HYKK: variants seen among roughly 807,000 people sequenced by gnomAD.
The protein encoded by HYKK is 5-hydroxy-L-lysine kinase.
A neutral mutation model predicts 29.7 loss-of-function variants in HYKK; 19 were observed. That is an observed-to-expected ratio of 0.64 (90% CI 0.45 to 0.94). HYKK has a LOEUF of 0.94. HYKK is among the 40% of genes least tolerant of loss of function. HYKK has a pLI of 0.00. For synonymous variants in HYKK, 152 were observed against 158.1 expected (o/e 0.96, Z 0.29); for missense variants, 390 against 443.4 (o/e 0.88, Z 1.08).
At chr15:78,512,400 C>CTTTTTTTTTTTTTTTTTTTTTT (rs902963099) in intron 1 of HYKK, among the ~76,000 whole-genome samples, 1 of 125,668 alleles carries the variant, frequency 8.0e-6, no homozygotes, top group Non-Finnish European at 1.7e-5. Context: ...TTTTCTTTTT[C>CTTTTTTTTTTTTTTTTTTTTTT]TTTTTTTTTT....
intron 4 of HYKK, among the ~76,000 whole-genome samples, chr15:78,532,216 A>G (rs1404094019): frequency 2.0e-5 from 3 of 152,204 alleles, no homozygotes; most frequent in Non-Finnish European, 4.4e-5. Flanking sequence ...CGTACAGTTC[A>G]TGCCACATGC....
chr15:78,531,950 A>G (rs1231814804), intron 4 of HYKK, among the ~76,000 whole-genome samples: 1 of 151,660 alleles, frequency 6.6e-6, no homozygotes, highest in African/African-American at 2.4e-5. Context: ...ACTCACTGTT[A>G]CATTGCTTAA....
At chr15:78,528,288 C>G (rs2141363205) in intron 4 of HYKK, 1 of 258,778 alleles carries the variant, frequency 3.9e-6, no homozygotes, top group East Asian at 1.8e-4. Context: ...GAATCTAATG[C>G]CTGATGATCT....
At chr15:78,530,122 G>A (rs866671665) in intron 4 of HYKK, among the ~76,000 whole-genome samples, 4 of 151,732 alleles carry the variant, frequency 2.6e-5, no homozygotes, top group African/African-American at 9.7e-5. Flanking sequence ...ATGAGCAACC[G>A]CACCAGGCCC....
intron 4 of HYKK, chr15:78,528,468 G>A: frequency 1.0e-6 from 1 of 985,372 alleles, no homozygotes; most frequent in Non-Finnish European, 1.2e-6. Flanking sequence ...TATATTTCTA[G>A]ATATAACCAG....
rs974844704 is a variant in HYKK at position 78,535,919 on chromosome 15, G to T, written c.*2249G>T. The T allele has an allele frequency of 6.6e-6, 1 of 152,198 alleles. No homozygotes were observed. Among genetic ancestry groups the T allele is most frequent in the Non-Finnish European group, 1.5e-5 (1 of 68,106 alleles). The allele number at this position is 152,198 out of a possible 1,614,324, so 9.4% of individuals were successfully genotyped here. A position where few individuals can be genotyped will look rare whatever the true frequency, so the allele number is the denominator to read the frequency against. The stretch of plus-strand genomic sequence containing the variant: ...TTTTGTAGAGATAGGGTCTCACTAT[G>T]TTGCCCAGGCTGGTCTCAAACCCCT... On this transcript the variant is annotated 3_prime_UTR_variant, in exon 5 of 5. Transcript: ENST00000388988.
downstream of HYKK, chr15:78,537,304 T>G (rs975898203): frequency 2.9e-5 from 19 of 666,504 alleles, no homozygotes; most frequent in African/African-American, 2.5e-4. Context: ...TTTCAGGACC[T>G]AGCACCGTGC....
At chr15:78,516,763 T>C (rs1260230098) in intron 3 of HYKK, among the ~76,000 whole-genome samples, 1 of 147,934 alleles carries the variant, frequency 6.8e-6, no homozygotes, top group Non-Finnish European at 1.5e-5. Context: ...CTCACGCCTA[T>C]AATTCCTGCA....
At chr15:78,510,123 TTTTC>T (rs146025612) in intron 1 of HYKK, among the ~76,000 whole-genome samples, 39,497 of 148,460 alleles carry the variant, frequency 0.27, 5,984 homozygotes, top group Middle Eastern at 0.41. Context: ...TTCTTCTTTC[TTTTC>T]TTTCTTTCTT....
chr15:78,528,584 C>T, intron 4 of HYKK: 1 of 858,050 alleles, frequency 1.2e-6, no homozygotes, highest in Non-Finnish European at 1.4e-6. Context: ...GGGTGGATCA[C>T]TTGAGGTCAG....
Position 78,515,611 on chromosome 15 carries a change from C to G in HYKK, c.477+504C>G, listed in dbSNP as rs563148251. On this transcript the variant is annotated intron_variant, in intron 3 of 4. Coordinates refer to ENST00000388988, the MANE Select transcript of HYKK (RefSeq NM_001013619.4). ...AATTTTTTTTTTTTTTTTTTTGAGA[C>G]AGAATCTCGCTCTGTCGTCCAGGCT... Among the ~76,000 whole-genome samples the G allele has an allele frequency of 3.3e-3, 468 of 142,028 alleles. 5 individuals carry two copies. The highest frequency in any genetic ancestry group is 3.9e-3 in the Non-Finnish European group (261 of 66,096). The allele number at this position is 142,028 out of a possible 152,430, so 93.2% of individuals were successfully genotyped here.
chr15:78,527,580 T>A lies in HYKK; in HGVS notation c.661+17T>A, dbSNP rs1243274970. 1.2e-6 allele frequency: 2 copies of A among 1,610,382 alleles called. No individual in the cohort carries two copies. The highest frequency in any genetic ancestry group is 8.5e-7 in the Non-Finnish European group (1 of 1,177,268). The stretch of plus-strand genomic sequence containing the variant: ...TTCGAGAATGTGAGTATTCTCCCAA[T>A]TAAGTATTTTTCTTGATATTTAAAC... On this transcript the variant is annotated intron_variant, in intron 4 of 4. Coordinates refer to ENST00000388988, the MANE Select transcript of HYKK (RefSeq NM_001013619.4).
chr15:78,514,908 CTA>C (rs1555411228), intron 2 of HYKK, 58 bp from the exon 3 acceptor site: 172 of 385,306 alleles, frequency 4.5e-4, no homozygotes, highest in South Asian at 1.3e-3. Context: ...CTCTCTCTCT[CTA>C]TATATATATA....
rs1359252493 is a variant in HYKK at position 78,536,623 on chromosome 15, T to G, written c.*2953T>G. ...GACCACTGTTTAGATGTTTACATGCTGCATTACATTGATATTTTACTATTT... is the reference window on the plus strand; with the variant it reads ...GACCACTGTTTAGATGTTTACATGCGGCATTACATTGATATTTTACTATTT... On this transcript the variant is annotated 3_prime_UTR_variant, in exon 5 of 5. Coordinates refer to ENST00000388988, the MANE Select transcript of HYKK (RefSeq NM_001013619.4). The G allele has an allele frequency of 2.0e-5, 3 of 152,230 alleles. No homozygotes were observed. The highest frequency in any genetic ancestry group is 4.4e-5 in the Non-Finnish European group (3 of 68,040). The allele number at this position is 152,230 out of a possible 1,614,324, so 9.4% of individuals were successfully genotyped here. A position where few individuals can be genotyped will look rare whatever the true frequency, so the allele number is the denominator to read the frequency against.
intron 1 of HYKK, among the ~76,000 whole-genome samples, chr15:78,510,089 T>TTTTC (rs772574528): frequency 6.6e-6 from 1 of 150,568 alleles, no homozygotes; most frequent in Non-Finnish European, 1.5e-5. Flanking sequence ...TCTTTCTTTC[T>TTTTC]TTTCTTTCTT....
At chr15:78,528,275 T>G in intron 4 of HYKK, 1 of 219,992 alleles carries the variant, frequency 4.5e-6, no homozygotes, top group Non-Finnish European at 7.7e-6. Flanking sequence ...GGGATCTAAG[T>G]GAGAATCTAA....
Position 78,533,461 on chromosome 15 carries a change from T to G in HYKK, c.913T>G (p.Leu305Val). 1 of 1,614,216 alleles carries G rather than the reference T, an allele frequency of 6.2e-7. No homozygotes were observed. Among genetic ancestry groups the G allele is most frequent in the Non-Finnish European group, 8.5e-7 (1 of 1,180,030 alleles). The change falls in exon 5 of 5, where the codon TTG becomes GTG. Residue 305 changes from leucine to valine, a missense_variant. Physicochemically the swap from Leu to Val is conservative, Grantham distance 32. Transcript: ENST00000388988. The stretch of plus-strand genomic sequence containing the variant: ...ACTGACAGCTGTAGAGAAGGGTGCT[T>G]TGTTTTTACTTGTATGCAGTCGTTT... Reference protein sequence around the residue: ...TPLTAVEKGALFLLVCSRFCQ... With the variant: ...TPLTAVEKGAVFLLVCSRFCQ...
chr15:78,507,810 C>T (rs2052028764), intron 1 of HYKK, 139 bp downstream of exon 1: 1 of 152,590 alleles, frequency 6.6e-6, no homozygotes, highest in African/African-American at 2.4e-5. Context: ...CCGCGCTATC[C>T]TCAGCTCGCT....
Position 78,536,466 on chromosome 15 carries a change from T to C in HYKK, c.*2796T>C, listed in dbSNP as rs1020451247. 5 of 152,230 alleles carry C rather than the reference T, an allele frequency of 3.3e-5. No homozygotes were observed. The highest frequency in any genetic ancestry group is 4.8e-5 in the African/African-American group (2 of 41,452). The allele number at this position is 152,230 out of a possible 1,614,324, so 9.4% of individuals were successfully genotyped here. A position where few individuals can be genotyped will look rare whatever the true frequency, so the allele number is the denominator to read the frequency against. ...AGCTAAAAACTGGGAACCAGAATAA[T>C]GGACTGAAACTTGGGTTTCACTTCC... On this transcript the variant is annotated 3_prime_UTR_variant, in exon 5 of 5. Transcript: ENST00000388988.
Sources: gnomAD v4.1 joint callset for allele counts (sites outside exome capture counted in the v4.1 genomes callset) on GRCh38, gnomAD v4.1.1 for gene constraint, MANE v1.5 for transcripts, NCBI Gene and HGNC (gene_info 2026-07-23, HGNC 2026-07-21) for gene names.